Variants in WDFY3 observed in about 807,000 individuals in gnomAD.
The protein encoded by WDFY3 is WD repeat and FYVE domain containing 3, also known as WD repeat and FYVE domain-containing protein 3.
Under a neutral mutation model 409.6 loss-of-function variants are expected in WDFY3, and 66 were observed. That is an observed-to-expected ratio of 0.16 (90% CI 0.13 to 0.20). The LOEUF is 0.20. Among genes scored for constraint, WDFY3 ranks in the 10% least tolerant of loss-of-function variants. WDFY3 has a pLI of 1.00. For missense variants in WDFY3, 3,031 were observed against 4,298.1 expected (o/e 0.71, Z 8.24); for synonymous variants, 1,521 against 1,537.1 (o/e 0.99, Z 0.25).
At chr4:84,775,240 T>A in intron 27 of WDFY3, 102 bp from the exon 28 acceptor site, 1 of 981,330 alleles carries the variant, frequency 1.0e-6, no homozygotes, top group Non-Finnish European at 1.5e-6. Flanking sequence ...TTCACTTATA[T>A]AATTATTATC....
chr4:84,803,633 T>C (rs1318896967), intron 15 of WDFY3, among the ~76,000 whole-genome samples, 166 bp from the exon 16 acceptor site: 2 of 152,192 alleles, frequency 1.3e-5, no homozygotes, highest in Non-Finnish European at 2.9e-5. Context: ...TGTGTGTGTG[T>C]CCGCATGTGT....
intron 1 of WDFY3, among the ~76,000 whole-genome samples, chr4:84,937,370 C>T (rs1240518710): frequency 6.6e-6 from 1 of 152,118 alleles, no homozygotes; most frequent in East Asian, 1.9e-4. Flanking sequence ...CCTAGTTCCT[C>T]CTCTTCTCCC....
At chr4:84,777,059 C>A (rs1218975362) in intron 27 of WDFY3, among the ~76,000 whole-genome samples, 1 of 151,908 alleles carries the variant, frequency 6.6e-6, no homozygotes, top group Non-Finnish European at 1.5e-5. Flanking sequence ...TGTTTATACA[C>A]AGGGAAGAAG....
At chr4:84,947,717 A>T (rs867886264) in intron 1 of WDFY3, among the ~76,000 whole-genome samples, 5 of 147,552 alleles carry the variant, frequency 3.4e-5, no homozygotes, top group Non-Finnish European at 7.5e-5. Flanking sequence ...TACCAAAAAA[A>T]AAAAAAAAAA....
At chr4:84,749,160 G>A (rs1740043164) in intron 36 of WDFY3, among the ~76,000 whole-genome samples, 1 of 152,034 alleles carries the variant, frequency 6.6e-6, no homozygotes, top group Admixed American at 6.5e-5. Flanking sequence ...AAAGTGTTGG[G>A]ATTACAGGCA....
chr4:84,706,855 A>G (rs1732038928), intron 53 of WDFY3, among the ~76,000 whole-genome samples: 1 of 152,062 alleles, frequency 6.6e-6, no homozygotes, highest in East Asian at 1.9e-4. Context: ...CTGCACTGAA[A>G]AGGTTGCTAT....
At chr4:84,790,030 A>G in intron 21 of WDFY3, 123 bp from the exon 22 acceptor site, 1 of 1,073,164 alleles carries the variant, frequency 9.3e-7, no homozygotes, top group South Asian at 1.6e-5. Flanking sequence ...GACTGATTTG[A>G]GTAATAATAC....
intron 4 of WDFY3, among the ~76,000 whole-genome samples, chr4:84,855,155 T>G (rs1759584759): frequency 6.6e-6 from 1 of 152,236 alleles, no homozygotes; most frequent in Non-Finnish European, 1.5e-5. Flanking sequence ...CATTTAAGTC[T>G]CATAAAATCC....
intron 12 of WDFY3, among the ~76,000 whole-genome samples, chr4:84,819,825 T>G (rs990182241): frequency 6.6e-6 from 1 of 152,048 alleles, no homozygotes. Flanking sequence ...CAATAAAAAA[T>G]TAGAAGAATA....
In WDFY3 at chr4:84,828,991, T is replaced by A; in HGVS notation, c.956+13A>T. 6.4e-7 allele frequency: 1 copy of A among 1,568,808 alleles called. No homozygotes were observed. The highest frequency in any genetic ancestry group is 8.6e-7 in the Non-Finnish European group (1 of 1,157,934). ...AGACATTTAAAATACATTCTTAAATTGAGCAGTCTTACCTAAGCAAGAGAT... is the reference window on the plus strand; with the variant it reads ...AGACATTTAAAATACATTCTTAAATAGAGCAGTCTTACCTAAGCAAGAGAT... On this transcript the variant is annotated intron_variant, in intron 9 of 67. Transcript: ENST00000295888.
In WDFY3 at chr4:84,938,260, G is replaced by C. The variant is rs1579208271; in HGVS notation, c.-225-5897C>G. On this transcript the variant is annotated intron_variant, in intron 1 of 67. Transcript: ENST00000295888. ...AGGCTAAAAATGGGAATCTTTCCTA[G>C]TTTATAAAACAAGATAATCTAAATA... 3.3e-5 allele frequency among the ~76,000 whole-genome samples: 5 copies of C among 152,102 alleles called. No individual in the cohort carries two copies. In the South Asian group the frequency reaches 1.0e-3, roughly 32 times the overall value.
At chr4:84,737,517 C>T (rs1351462020) in intron 40 of WDFY3, 151 bp from the exon 41 acceptor site, 1 of 892,972 alleles carries the variant, frequency 1.1e-6, no homozygotes, top group East Asian at 3.2e-5. Flanking sequence ...GTATCTAGCC[C>T]AGTGAAAAGG....
rs568190122 is a variant in WDFY3 at position 84,772,695 on chromosome 4, G to A, written c.4849+140C>T. 59 of 671,960 alleles carry A rather than the reference G, an allele frequency of 8.8e-5. No homozygotes were observed. The Admixed American group carries it at 2.1e-3, about 24-fold the overall frequency. The allele number at this position is 671,960 out of a possible 1,614,324, so 41.6% of individuals were successfully genotyped here. On this transcript the variant is annotated intron_variant, in intron 30 of 67. Coordinates refer to ENST00000295888, the MANE Select transcript of WDFY3 (RefSeq NM_014991.6). ...TATAAGACAAATACATCAGAGAAGG[G>A]CCAAAAACGTAATGTAAGGAGAAAA...
intron 13 of WDFY3, among the ~76,000 whole-genome samples, chr4:84,811,290 C>T (rs1367544440): frequency 6.6e-6 from 1 of 152,154 alleles, no homozygotes; most frequent in Non-Finnish European, 1.5e-5. Context: ...TGAGCCACCG[C>T]CCTGGCCAGC....
At position 84,787,618 on chromosome 4, in the gene WDFY3, T is replaced by C. The variant is rs138177297; in HGVS notation, c.3765A>G (p.Gln1255=). The change falls in exon 23 of 68, where the codon CAA becomes CAG. Residue 1255 remains glutamine, a synonymous_variant. Coordinates refer to ENST00000295888, the MANE Select transcript of WDFY3 (RefSeq NM_014991.6). ...VYAYIGTPPA[Q]RQIASLVWRL... is the part of the protein sequence containing the mutation. ...GCCAAACCAATGAGGCAATTTGGCG[T>C]TGGGCAGGTGGAGTACCAATGTAGG... is the stretch of plus-strand genomic sequence containing the variant. The C allele has an allele frequency of 5.6e-6, 9 of 1,614,002 alleles. No homozygotes were observed. Among genetic ancestry groups the C allele is most frequent in the Non-Finnish European group, 7.6e-6 (9 of 1,180,014 alleles).
At chr4:84,885,196 G>A (rs1764035880) in intron 3 of WDFY3, among the ~76,000 whole-genome samples, 1 of 151,770 alleles carries the variant, frequency 6.6e-6, no homozygotes, top group Admixed American at 6.6e-5. Flanking sequence ...TAGAGATGGG[G>A]ATTCCACCAT....
intron 4 of WDFY3, among the ~76,000 whole-genome samples, chr4:84,860,156 AT>A (rs1455203516): frequency 6.6e-6 from 1 of 152,190 alleles, no homozygotes; most frequent in Non-Finnish European, 1.5e-5. Context: ...TAACAGGGCC[AT>A]TTTAGACAAT....
At chr4:84,882,185 C>T (rs1160128867) in intron 3 of WDFY3, among the ~76,000 whole-genome samples, 1 of 152,126 alleles carries the variant, frequency 6.6e-6, no homozygotes, top group Admixed American at 6.6e-5. Context: ...GTATCCACAT[C>T]AAGGCTCTCA....
At chr4:84,947,554 TAAATA>T (rs1165468400) in intron 1 of WDFY3, among the ~76,000 whole-genome samples, 5 of 143,890 alleles carry the variant, frequency 3.5e-5, no homozygotes, top group South Asian at 4.3e-4. Context: ...AAATAATAAA[TAAATA>T]AAATAAAATA....
Sources: gnomAD v4.1 joint callset for allele counts (sites outside exome capture counted in the v4.1 genomes callset) on GRCh38, gnomAD v4.1.1 for gene constraint, MANE v1.5 for transcripts, NCBI Gene and HGNC (gene_info 2026-07-23, HGNC 2026-07-21) for gene names.